GRK3: variants seen among roughly 807,000 people sequenced by gnomAD.
GRK3 encodes the protein adrenergic, beta, receptor kinase 2.
GRK3 carries 54 observed loss-of-function variants against 95.7 expected under a neutral mutation model. That is an observed-to-expected ratio of 0.56 (90% CI 0.45 to 0.71). The LOEUF (loss-of-function observed/expected upper bound fraction) is 0.71, where lower values mean the gene tolerates loss of function less well. Among genes scored for constraint, GRK3 ranks in the 30% least tolerant of loss-of-function variants. GRK3 has a pLI of 0.00. For missense variants in GRK3, 649 were observed against 851.2 expected, an observed-to-expected ratio of 0.76 and a Z score of 2.96; for synonymous variants, 281 against 290.8, an observed-to-expected ratio of 0.97 and a Z score of 0.34.
At position 25,722,743 on chromosome 22, in the gene GRK3, A is replaced by C; in HGVS notation, c.*293A>C. On this transcript the variant is annotated 3_prime_UTR_variant, in exon 21 of 21. Transcript: ENST00000324198. ...ACGTAAATTTTTATGTCTGATATCA[A>C]ACACATCTTAGACTCCCCAGAATGG... The C allele has an allele frequency of 3.6e-6, 1 of 279,470 alleles. No homozygotes were observed. The highest frequency in any genetic ancestry group is 7.1e-5 in the East Asian group (1 of 14,120). 17.3% of individuals were successfully genotyped at this position (279,470 alleles called of 1,614,324 possible).
At chr22:25,587,490 G>A (rs1233942573) in intron 1 of GRK3, among the ~76,000 whole-genome samples, 9 of 151,924 alleles carry the variant, frequency 5.9e-5, no homozygotes, top group Non-Finnish European at 8.8e-5. Flanking sequence ...GTGCAGTGGC[G>A]CGATCTTGGC....
intron 19 of GRK3, among the ~76,000 whole-genome samples, chr22:25,719,196 TAA>T (rs60791959): frequency 3.5e-5 from 5 of 142,994 alleles, no homozygotes; most frequent in African/African-American, 1.0e-4. Flanking sequence ...CAAGTGCTGT[TAA>T]AAAAAAAAAA....
At chr22:25,593,122 A>G (rs141837015) in intron 1 of GRK3, among the ~76,000 whole-genome samples, 1 of 149,774 alleles carries the variant, frequency 6.7e-6, no homozygotes, top group African/African-American at 2.5e-5. Context: ...TGTGATGAAC[A>G]TATGAGTGCA....
intron 1 of GRK3, among the ~76,000 whole-genome samples, chr22:25,569,550 C>A (rs956982931): frequency 6.6e-6 from 1 of 152,180 alleles, no homozygotes; most frequent in Middle Eastern, 3.2e-3. Context: ...CCCAGTACAC[C>A]GGACTTTGCC....
intron 8 of GRK3, among the ~76,000 whole-genome samples, chr22:25,675,677 C>G (rs1408337759): frequency 6.6e-6 from 1 of 152,172 alleles, no homozygotes; most frequent in Non-Finnish European, 1.5e-5. Context: ...GTGCCTGCCT[C>G]CGGTCAGCCT....
At chr22:25,668,284 T>C (rs942942430) in intron 6 of GRK3, among the ~76,000 whole-genome samples, 2 of 152,258 alleles carry the variant, frequency 1.3e-5, no homozygotes, top group African/African-American at 4.8e-5. Flanking sequence ...ACTCAAACTA[T>C]AGATCTACTG....
rs60731107 is a variant in GRK3 at position 25,724,115 on chromosome 22, AAC to A, written c.*1700_*1701del. On this transcript the variant is annotated 3_prime_UTR_variant, in exon 21 of 21. Coordinates refer to ENST00000324198, the MANE Select transcript of GRK3 (RefSeq NM_005160.4). ...AAGAATAGTATTCAAATTCTGTTGAAACACACACACACACACACACACACACA... is the reference window on the plus strand; with the variant it reads ...AAGAATAGTATTCAAATTCTGTTGAAACACACACACACACACACACACACA... 10,235 of 144,048 alleles carry A rather than the reference AAC, an allele frequency of 0.071. 361 individuals are homozygous for A. The highest frequency in any genetic ancestry group is 0.13 in the South Asian group (582 of 4,472). The allele number at this position is 144,048 out of a possible 1,614,324, so 8.9% of individuals were successfully genotyped here.
intron 3 of GRK3, 127 bp downstream of exon 3, chr22:25,644,792 A>G: frequency 2.0e-6 from 1 of 506,750 alleles, no homozygotes; most frequent in Non-Finnish European, 3.4e-6. Context: ...TTAGTAGTGC[A>G]AAATATAGTA....
At chr22:25,626,948 C>CA (rs1416277661) in intron 2 of GRK3, among the ~76,000 whole-genome samples, 1 of 152,124 alleles carries the variant, frequency 6.6e-6, no homozygotes, top group Non-Finnish European at 1.5e-5. Context: ...CAGAGGTAGG[C>CA]AGGCACTATT....
intron 4 of GRK3, among the ~76,000 whole-genome samples, chr22:25,662,774 T>C (rs1013021428): frequency 6.6e-6 from 1 of 152,210 alleles, no homozygotes; most frequent in African/African-American, 2.4e-5. Context: ...TTAGTTTTTA[T>C]GTAGTTCAGC....
intron 12 of GRK3, among the ~76,000 whole-genome samples, chr22:25,692,114 C>T (rs1344176151): frequency 6.6e-6 from 1 of 152,056 alleles, no homozygotes; most frequent in African/African-American, 2.4e-5. Context: ...CAGTCATGTG[C>T]CCCAACATTC....
chr22:25,646,335 C>T (rs2084782238), intron 3 of GRK3, among the ~76,000 whole-genome samples: 1 of 152,068 alleles, frequency 6.6e-6, no homozygotes, highest in Non-Finnish European at 1.5e-5. Flanking sequence ...AAGACTTAAC[C>T]ACTTTAGAAC....
intron 2 of GRK3, among the ~76,000 whole-genome samples, chr22:25,642,434 AAAAT>A (rs1291770699): frequency 1.3e-5 from 2 of 152,190 alleles, no homozygotes; most frequent in East Asian, 1.9e-4. Context: ...CTCCATCTCA[AAAAT>A]AAATAAATAA....
intron 2 of GRK3, among the ~76,000 whole-genome samples, chr22:25,608,369 C>T (rs1396918575): frequency 4.6e-5 from 7 of 152,102 alleles, no homozygotes; most frequent in Non-Finnish European, 8.8e-5. Context: ...TAGAAAGGTA[C>T]GTGTTCATGG....
intron 1 of GRK3, among the ~76,000 whole-genome samples, chr22:25,576,485 C>T (rs948460906): frequency 6.6e-6 from 1 of 152,170 alleles, no homozygotes; most frequent in Non-Finnish European, 1.5e-5. Context: ...CATTTCTTGG[C>T]CATTTGTGTT....
At chr22:25,668,515 AC>A (rs1030743521) in intron 6 of GRK3, among the ~76,000 whole-genome samples, 1 of 152,234 alleles carries the variant, frequency 6.6e-6, no homozygotes, top group Non-Finnish European at 1.5e-5. Flanking sequence ...CCACATATTC[AC>A]AGAACTAAAG....
Position 25,718,311 on chromosome 22 carries a change from C to G in GRK3, c.1721C>G (p.Thr574Ser). ...YMLKLGNPFL[T>S]QWQRRYFYLF... The stretch of plus-strand genomic sequence containing the variant: ...CTGAAACTGGGAAACCCATTTCTGA[C>G]TCAGTGGCAGCGTCGCTATTTTTAC... Residue 574 changes from threonine (T) to serine (S), a missense_variant, in exon 19 of 21, where the codon ACT becomes AGT. Physicochemically the swap from Thr to Ser is moderately conservative, Grantham distance 58. Transcript: ENST00000324198. 1 of 1,614,078 alleles carries G rather than the reference C, an allele frequency of 6.2e-7. No homozygotes were observed. The highest frequency in any genetic ancestry group is 1.1e-5 in the South Asian group (1 of 91,066).
Position 25,665,078 on chromosome 22 carries a change from C to T in GRK3, c.441+1374C>T, listed in dbSNP as rs1190316560. Among the ~76,000 whole-genome samples, 4 of 152,196 alleles carry T rather than the reference C, an allele frequency of 2.6e-5. No individual in the cohort carries two copies. The East Asian group carries it at 5.8e-4, about 22-fold the overall frequency. The stretch of plus-strand genomic sequence containing the variant: ...CTGGAGGACCTTGGGTAAGCTCCTC[C>T]ACCTTCCTAACTTCAGTTTTCTCAT... On this transcript the variant is annotated intron_variant, in intron 5 of 20. Transcript: ENST00000324198.
intron 2 of GRK3, among the ~76,000 whole-genome samples, chr22:25,638,020 A>C (rs2084715454): frequency 6.6e-6 from 1 of 152,136 alleles, no homozygotes; most frequent in African/African-American, 2.4e-5. Context: ...TTTTAATCTC[A>C]TTCCAGGACA....
Sources: gnomAD v4.1 joint callset for allele counts (sites outside exome capture counted in the v4.1 genomes callset) on GRCh38, gnomAD v4.1.1 for gene constraint, MANE v1.5 for transcripts, NCBI Gene and HGNC (gene_info 2026-07-23, HGNC 2026-07-21) for gene names.